Variants in LAMB1 observed in about 807,000 individuals in gnomAD.
LAMB1 encodes laminin subunit beta 1.
A neutral mutation model predicts 222.3 loss-of-function variants in LAMB1; 121 were observed. The ratio of observed to expected loss-of-function variants is 0.54; its 90% CI spans 0.47 to 0.63. LAMB1 has a LOEUF of 0.63. LAMB1 is among the 30% of genes least tolerant of loss of function. The pLI is 0.00. For synonymous variants in LAMB1, 794 were observed against 807.2 expected, an observed-to-expected ratio of 0.98 and a Z score of 0.28; for missense variants, 2,172 against 2,240.8, an observed-to-expected ratio of 0.97 and a Z score of 0.62.
rs1562976470 is a variant in LAMB1, at chr7:107,935,349, T to TG, written c.4188+65_4188+66insC. The TG allele has an allele frequency of 3.8e-5, 12 of 312,074 alleles. 1 individual carries two copies. In the African/African-American group the frequency reaches 6.0e-4, roughly 16 times the overall value. 19.3% of individuals were successfully genotyped at this position (312,074 alleles called of 1,614,324 possible). A position where few individuals can be genotyped will look rare whatever the true frequency, so the allele number is the denominator to read the frequency against. ...CAAAAGATGGTTTGTTTTTCTTTGT[T>TG]TTTTTTTTTTTTTTTTTTTTTTTTG... On this transcript the variant is annotated intron_variant, in intron 27 of 33. Coordinates refer to ENST00000222399, the MANE Select transcript of LAMB1 (RefSeq NM_002291.3).
At chr7:107,968,531 C>T (rs1170290201) in intron 13 of LAMB1, among the ~76,000 whole-genome samples, 1 of 152,042 alleles carries the variant, frequency 6.6e-6, no homozygotes. Flanking sequence ...TGGGTGGGTC[C>T]AATCTAATCA....
intron 27 of LAMB1, 26 bp downstream of exon 27, chr7:107,935,389 A>G (rs1476395986): frequency 6.8e-7 from 1 of 1,467,158 alleles, no homozygotes; most frequent in African/African-American, 1.6e-5. Context: ...GCACCATAGC[A>G]GTAAGGCCAC....
chr7:107,951,186 A>T (rs1417140079), intron 24 of LAMB1, 40 bp downstream of exon 24: 1 of 1,483,182 alleles, frequency 6.7e-7, no homozygotes, highest in Admixed American at 1.7e-5. Flanking sequence ...AGTTCCCTCC[A>T]CTCTCTGATC....
chr7:108,002,149 A>C, intron 2 of LAMB1: 2 of 1,450,048 alleles, frequency 1.4e-6, no homozygotes, highest in Non-Finnish European at 1.8e-6. Flanking sequence ...ACCCGCGTGC[A>C]CGCGGCAGCC....
chr7:107,953,784 G>A (rs1177832781), intron 21 of LAMB1, 30 bp from the exon 22 acceptor site: 1 of 1,596,184 alleles, frequency 6.3e-7, no homozygotes, highest in African/African-American at 1.3e-5. Flanking sequence ...AACACAAGAT[G>A]TTTAGCTTAT....
At chr7:107,927,893 C>A (rs1198920555) in intron 31 of LAMB1, among the ~76,000 whole-genome samples, 2 of 152,158 alleles carry the variant, frequency 1.3e-5, no homozygotes, top group Non-Finnish European at 2.9e-5. Context: ...GTAAGAAAAG[C>A]ATGTTGAAAA....
intron 5 of LAMB1, 67 bp from the exon 6 acceptor site, chr7:107,986,430 G>C: frequency 7.2e-7 from 1 of 1,379,908 alleles, no homozygotes; most frequent in Non-Finnish European, 9.9e-7. Context: ...TTTAATCTCA[G>C]GTAAAAATGT....
intron 21 of LAMB1, 114 bp from the exon 22 acceptor site, chr7:107,953,868 G>T: frequency 2.3e-6 from 2 of 852,088 alleles, no homozygotes; most frequent in Non-Finnish European, 3.9e-6. Context: ...CATCTTCACT[G>T]CACTGTTTAA....
intron 4 of LAMB1, among the ~76,000 whole-genome samples, chr7:107,996,226 C>T (rs1295940575): frequency 1.3e-5 from 2 of 152,162 alleles, no homozygotes; most frequent in African/African-American, 4.8e-5. Flanking sequence ...AACCTAAGAA[C>T]ATATGCTGCA....
chr7:107,972,863 C>A, intron 13 of LAMB1, 129 bp downstream of exon 13: 1 of 726,532 alleles, frequency 1.4e-6, no homozygotes, highest in Non-Finnish European at 2.5e-6. Context: ...GGTACCTACA[C>A]ACATTTATCA....
chr7:107,927,847 A>G (rs2032601123), intron 31 of LAMB1, among the ~76,000 whole-genome samples: 2 of 152,204 alleles, frequency 1.3e-5, no homozygotes, highest in South Asian at 4.1e-4. Context: ...ACTGACAGCA[A>G]TAGAATAGGG....
At chr7:107,959,665 C>T (rs748251066) in intron 19 of LAMB1, 26 bp downstream of exon 19, 4 of 1,614,226 alleles carry the variant, frequency 2.5e-6, no homozygotes, top group African/African-American at 1.3e-5. Context: ...TGAATGAATG[C>T]ATAACAATGC....
chr7:107,966,735 C>T (rs2033644511), intron 13 of LAMB1, among the ~76,000 whole-genome samples: 1 of 152,206 alleles, frequency 6.6e-6, no homozygotes, highest in Admixed American at 6.5e-5. Context: ...AACAACTAGA[C>T]CTTCACATGC....
At chr7:107,979,284 T>G (rs1024823016) in intron 8 of LAMB1, among the ~76,000 whole-genome samples, 3 of 152,214 alleles carry the variant, frequency 2.0e-5, no homozygotes, top group Non-Finnish European at 2.9e-5. Context: ...GCAACAAAAG[T>G]TCTAACTGGA....
intron 5 of LAMB1, among the ~76,000 whole-genome samples, chr7:107,991,364 G>T (rs572793207): frequency 3.9e-5 from 6 of 152,242 alleles, no homozygotes; most frequent in African/African-American, 1.4e-4. Context: ...GAGGCAGGTG[G>T]ATCACTTGAG....
rs764041959 is a variant in LAMB1, at chr7:107,952,042, A to T, written c.3261T>A (p.Asn1087Lys). Residue 1087 changes from asparagine (N) to lysine (K), a missense_variant, in exon 23 of 34, where the codon AAT becomes AAA. Transcript: ENST00000222399. ...SGTGCDPCNC[N>K]AAHSFGPSCN... ...AAGATGGCCCGAAGGAATGAGCAGC[A>T]TTGCAGTTGCATGGGTCACAGCCAG... 22 of 1,613,630 alleles carry T rather than the reference A, an allele frequency of 1.4e-5. No homozygotes were observed. Among genetic ancestry groups the T allele is most frequent in the Non-Finnish European group, 1.8e-5 (21 of 1,179,810 alleles).
Position 107,955,457 on chromosome 7 carries a change from C to G in LAMB1, c.2854+10G>C. 6.2e-7 allele frequency: 1 copy of G among 1,608,632 alleles called. No homozygotes were observed. Among genetic ancestry groups the G allele is most frequent in the Non-Finnish European group, 8.5e-7 (1 of 1,176,666 alleles). ...CTCTCTTTGCCTCCCAAAGTATGCA[C>G]ACGACTTACCAATGTATCCAGGATC... On this transcript the variant is annotated intron_variant, in intron 21 of 33. Transcript: ENST00000222399.
At chr7:107,959,954 C>T in intron 18 of LAMB1, 120 bp from the exon 19 acceptor site, 1 of 1,329,008 alleles carries the variant, frequency 7.5e-7, no homozygotes, top group Non-Finnish European at 1.0e-6. Context: ...ACAGTATCAT[C>T]CCTATGATGA....
chr7:107,982,413 C>T (rs1160008061), intron 7 of LAMB1, among the ~76,000 whole-genome samples: 2 of 152,176 alleles, frequency 1.3e-5, no homozygotes, highest in Non-Finnish European at 2.9e-5. Flanking sequence ...ACATGCATAG[C>T]TTACAATGAA....
Sources: allele counts gnomAD v4.1 joint callset (sites outside exome capture counted in the v4.1 genomes callset), GRCh38; gene constraint gnomAD v4.1.1; transcripts MANE v1.5; gene names NCBI Gene and HGNC (gene_info 2026-07-23, HGNC 2026-07-21).